The following CBLL1 variants were observed in gnomAD, a reference collection of about 807,000 sequenced individuals.
The protein encoded by CBLL1 is Cbl proto-oncogene like 1.
A neutral mutation model predicts 44.9 loss-of-function variants in CBLL1; 4 were observed. The ratio of observed to expected loss-of-function variants is 0.09; its 90% confidence interval spans 0.04 to 0.20. CBLL1 has a LOEUF of 0.20. CBLL1 is among the 10% of genes least tolerant of loss of function. The pLI is 1.00. For missense variants in CBLL1, 569 were observed against 636.7 expected (o/e 0.89, Z 1.14); for synonymous variants, 235 against 202.2 (o/e 1.16, Z -1.38).
rs79228355 is a variant in CBLL1 at position 107,747,308 on chromosome 7, G to C, written c.14-1572G>C. On this transcript the variant is annotated intron_variant, in intron 1 of 5. Transcript: ENST00000440859. Reference sequence around the variant, plus strand: ...TGAAAAGGACTTGTAATGAAGTGTTGGTATTTTCATTATTCACAAAGGTAA... The same window carrying C: ...TGAAAAGGACTTGTAATGAAGTGTTCGTATTTTCATTATTCACAAAGGTAA... Among the ~76,000 whole-genome samples the C allele has an allele frequency of 8.2e-3, 1,244 of 151,992 alleles. 17 individuals carry two copies. Among genetic ancestry groups the C allele is most frequent in the African/African-American group, 0.028 (1,168 of 41,466 alleles).
At chr7:107,750,767 T>C (rs930838071) in intron 2 of CBLL1, among the ~76,000 whole-genome samples, 2 of 152,336 alleles carry the variant, frequency 1.3e-5, no homozygotes, top group Admixed American at 6.5e-5. Context: ...GCCCTGTTTT[T>C]ATAAACAATT....
chr7:107,744,458 G>A, intron 1 of CBLL1: 1 of 416,944 alleles, frequency 2.4e-6, no homozygotes, highest in Non-Finnish European at 4.3e-6. Context: ...CCTTCGGGAA[G>A]GGAGAGCCCC....
chr7:107,750,978 G>A (rs1201996839), intron 2 of CBLL1, among the ~76,000 whole-genome samples: 2 of 150,474 alleles, frequency 1.3e-5, no homozygotes, highest in South Asian at 2.1e-4. Context: ...GGTGGGGTCT[G>A]GCTTTTTTTT....
Position 107,760,004 on chromosome 7 carries a change from A to G in CBLL1, c.*826A>G, listed in dbSNP as rs2115740874. 1 of 152,464 alleles carries G rather than the reference A, an allele frequency of 6.6e-6. No homozygotes were observed. Among genetic ancestry groups the G allele is most frequent in the South Asian group, 2.1e-4 (1 of 4,830 alleles). The allele number at this position is 152,464 out of a possible 1,614,324, so 9.4% of individuals were successfully genotyped here. ...TTTTACTGAATGGTCGGAATCACAT[A>G]TGCACCACACATACTGATCTTAAGT... On this transcript the variant is annotated 3_prime_UTR_variant, in exon 6 of 6. Coordinates refer to ENST00000440859, the MANE Select transcript of CBLL1 (RefSeq NM_024814.4).
intron 2 of CBLL1, among the ~76,000 whole-genome samples, chr7:107,753,002 G>A (rs1310663728): frequency 2.0e-5 from 3 of 152,124 alleles, no homozygotes; most frequent in African/African-American, 7.2e-5. Context: ...TACCATTTTT[G>A]TAGCTAGACT....
rs1793720411 is a variant in CBLL1 at position 107,760,447 on chromosome 7, TA to T, written c.*1271del. The T allele has an allele frequency of 6.6e-6, 1 of 152,196 alleles. No homozygotes were observed. Among genetic ancestry groups the T allele is most frequent in the Non-Finnish European group, 1.5e-5 (1 of 67,944 alleles). The allele number at this position is 152,196 out of a possible 1,614,324, so 9.4% of individuals were successfully genotyped here. ...TAATTTTGTATTGGAGAAGAGGAAA[TA>T]ACAGCTAAATTGTGGATTTCAGTGC... is the stretch of plus-strand genomic sequence containing the variant. On this transcript the variant is annotated 3_prime_UTR_variant, in exon 6 of 6. Coordinates refer to ENST00000440859, the MANE Select transcript of CBLL1 (RefSeq NM_024814.4).
chr7:107,758,301 C>T lies in CBLL1; in HGVS notation c.599C>T (p.Ala200Val). The T allele has an allele frequency of 6.2e-7, 1 of 1,614,134 alleles. No individual in the cohort carries two copies. Among genetic ancestry groups the T allele is most frequent in the Non-Finnish European group, 8.5e-7 (1 of 1,180,014 alleles). Residue 200 changes from alanine to valine, a missense_variant, in exon 6 of 6, where the codon GCT (alanine) becomes GTT (valine). By Grantham distance (64) the Ala-to-Val change is moderately conservative (BLOSUM62 0). Around this residue, in one of 5 missense-constraint regions of CBLL1, gnomAD observed 111 missense variants for 113.0 expected, o/e 0.98. Coordinates refer to ENST00000440859, the MANE Select transcript of CBLL1 (RefSeq NM_024814.4). This position sits in a 1 kb window ranked among gnomAD's most constrained non-coding sequence, Gnocchi z 4.2. ...HMRAGKPVTR[A>V]SLENVHPPIA... is the part of the protein sequence containing the mutation. The stretch of plus-strand genomic sequence containing the variant: ...AGAGCTGGAAAACCTGTTACCCGTG[C>T]TTCACTTGAAAATGTTCATCCTCCT...
At chr7:107,748,772 C>A in intron 1 of CBLL1, 108 bp from the exon 2 acceptor site, 1 of 898,634 alleles carries the variant, frequency 1.1e-6, no homozygotes, top group Non-Finnish European at 1.7e-6. Flanking sequence ...AATCAGAACC[C>A]AGATCTTTAA....
At chr7:107,752,198 CAAAA>C (rs796995157) in intron 2 of CBLL1, among the ~76,000 whole-genome samples, 4 of 56,210 alleles carry the variant, frequency 7.1e-5, no homozygotes, top group Non-Finnish European at 8.0e-5. Flanking sequence ...GACTCTGTCT[CAAAA>C]AAAAAAAAAA....
At chr7:107,754,146 T>C (rs1055983110) in intron 4 of CBLL1, 168 bp downstream of exon 4, 7 of 382,496 alleles carry the variant, frequency 1.8e-5, no homozygotes, top group Admixed American at 8.9e-5. Flanking sequence ...ATGATTATCT[T>C]GACAAATTGT....
At chr7:107,756,901 T>C (rs1258405195) in intron 5 of CBLL1, among the ~76,000 whole-genome samples, 1 of 152,116 alleles carries the variant, frequency 6.6e-6, no homozygotes, top group Admixed American at 6.5e-5. Flanking sequence ...GAAATGGCAG[T>C]CAGAGTTAAA....
intron 1 of CBLL1, among the ~76,000 whole-genome samples, chr7:107,747,519 G>A (rs1224830956): frequency 6.6e-6 from 1 of 152,112 alleles, no homozygotes; most frequent in Non-Finnish European, 1.5e-5. Context: ...ACATACATAA[G>A]CAACTACAAT....
At chr7:107,752,103 G>A (rs1793324437) in intron 2 of CBLL1, among the ~76,000 whole-genome samples, 1 of 151,624 alleles carries the variant, frequency 6.6e-6, no homozygotes, top group African/African-American at 2.4e-5. Context: ...GGAGGCCGAG[G>A]CAGGAGAATG....
Position 107,755,422 on chromosome 7 carries a change from C to G in CBLL1, c.371C>G (p.Pro124Arg), listed in dbSNP as rs1475903723. 1 of 1,564,940 alleles carries G rather than the reference C, an allele frequency of 6.4e-7. No homozygotes were observed. The highest frequency in any genetic ancestry group is 8.7e-7 in the Non-Finnish European group (1 of 1,152,692). ...GTAATATGTCTTTGTTTACAGATTC[C>G]ATGCAAGCATGTTTTTTGCTATGAC... Reference protein sequence around the residue: ...LPIKIYGRMIPCKHVFCYDCA... With the variant: ...LPIKIYGRMIRCKHVFCYDCA... Residue 124 changes from proline to arginine, a missense_variant, in exon 5 of 6, where the codon CCA (proline) becomes CGA (arginine). By Grantham distance (103) the Pro-to-Arg change is moderately radical (BLOSUM62 -2). Transcript: ENST00000440859.
rs747575705 is a variant in CBLL1 at position 107,748,883 on chromosome 7, A to G, written c.17A>G (p.Asn6Ser). 17 of 1,587,350 alleles carry G rather than the reference A, an allele frequency of 1.1e-5. No homozygotes were observed. The highest frequency in any genetic ancestry group is 5.5e-5 in the African/African-American group (4 of 73,280). Residue 6 changes from asparagine to serine, a missense_variant, in exon 2 of 6, where the codon AAT (asparagine) becomes AGT (serine). Physicochemically the swap from Asn to Ser is conservative, Grantham distance 46. This residue lies in a region of CBLL1 where 209 missense variants were observed against 202.8 expected (regional missense o/e 1.03). Transcript: ENST00000440859. ...CAACTTTTTTTTCCTAACACAGACAATGAGTTACAAGGCACTAATAGTTCT... is the reference window on the plus strand; with the variant it reads ...CAACTTTTTTTTCCTAACACAGACAGTGAGTTACAAGGCACTAATAGTTCT... MDHTD[N>S]ELQGTNSSGS... is the part of the protein sequence containing the mutation.
intron 4 of CBLL1, among the ~76,000 whole-genome samples, chr7:107,755,012 G>A (rs1038763068): frequency 2.6e-5 from 4 of 152,036 alleles, no homozygotes; most frequent in Admixed American, 1.3e-4. Flanking sequence ...TGTGTTCCTC[G>A]CTATTCTGGA....
intron 5 of CBLL1, among the ~76,000 whole-genome samples, chr7:107,756,426 A>G (rs978346071): frequency 6.6e-6 from 1 of 152,198 alleles, no homozygotes; most frequent in Non-Finnish European, 1.5e-5. Flanking sequence ...ATTTTAAAGT[A>G]ACAGATTATA....
At chr7:107,749,841 G>C (rs1342149604) in intron 2 of CBLL1, among the ~76,000 whole-genome samples, 1 of 151,912 alleles carries the variant, frequency 6.6e-6, no homozygotes, top group Non-Finnish European at 1.5e-5. Flanking sequence ...TTTTTTCATA[G>C]CATTGACCAT....
chr7:107,755,033 G>C (rs1793465425), intron 4 of CBLL1, among the ~76,000 whole-genome samples: 1 of 152,022 alleles, frequency 6.6e-6, no homozygotes, highest in African/African-American at 2.4e-5. Flanking sequence ...GGCTGAGGTG[G>C]GAACATCAGC....
Sources: allele counts gnomAD v4.1 joint callset (sites outside exome capture counted in the v4.1 genomes callset), GRCh38; gene constraint gnomAD v4.1.1; regional missense constraint gnomAD v4.1.1; non-coding constraint Gnocchi (gnomAD v3.1); transcripts MANE v1.5; gene names NCBI Gene and HGNC (gene_info 2026-07-23, HGNC 2026-07-21).